The following TTBK2 variants were observed in gnomAD, a reference collection of about 807,000 sequenced individuals.
TTBK2 encodes tau-tubulin kinase 2.
In TTBK2, 28 loss-of-function variants were observed where a neutral mutation model predicts 110.8. The observed-to-expected ratio is 0.25, with a 90% confidence interval of 0.19 to 0.35. The LOEUF (loss-of-function observed/expected upper bound fraction) is 0.35, where lower values mean the gene tolerates loss of function less well. TTBK2 is among the 10% of genes least tolerant of loss of function. The probability of loss-of-function intolerance (pLI) is 1.00; values close to 1 mark genes in which losing one functional copy is unlikely to be tolerated. For missense variants in TTBK2, 1,369 were observed against 1,500.3 expected (o/e 0.91, Z 1.45); for synonymous variants, 532 against 527.3 (o/e 1.01, Z -0.12).
chr15:42,760,470 G>A (rs898025067), intron 13 of TTBK2, among the ~76,000 whole-genome samples: 5 of 151,728 alleles, frequency 3.3e-5, no homozygotes, highest in Non-Finnish European at 1.5e-5. Context: ...ACTAGACCAG[G>A]CAGAATTTCT....
rs1595902013 is a variant in TTBK2, at chr15:42,780,302, G to A, written c.1198-3060C>T. Among the ~76,000 whole-genome samples, 7 of 149,344 alleles carry A rather than the reference G, an allele frequency of 4.7e-5. No homozygotes were observed. The South Asian group carries it at 1.5e-3, about 32-fold the overall frequency. On this transcript the variant is annotated intron_variant, in intron 11 of 14. Coordinates refer to ENST00000267890, the MANE Select transcript of TTBK2 (RefSeq NM_173500.4). The stretch of plus-strand genomic sequence containing the variant: ...CCCACCTTGGCCTCCCAAAGTGCTG[G>A]GATTATGGGTGTGAGCCACTGTGCC...
At chr15:42,856,338 G>A (rs1000426388) in intron 3 of TTBK2, among the ~76,000 whole-genome samples, 3 of 151,886 alleles carry the variant, frequency 2.0e-5, no homozygotes, top group African/African-American at 4.8e-5. Context: ...TCCAGATTTC[G>A]GACTATTTTA....
intron 13 of TTBK2, among the ~76,000 whole-genome samples, chr15:42,753,991 T>C (rs909259380): frequency 1.3e-5 from 2 of 152,204 alleles, no homozygotes; most frequent in Non-Finnish European, 2.9e-5. Flanking sequence ...TTTGTTGTTT[T>C]CCATAAATTC....
chr15:42,879,272 C>A (rs1326166751), intron 1 of TTBK2, among the ~76,000 whole-genome samples: 1 of 151,916 alleles, frequency 6.6e-6, no homozygotes, highest in Non-Finnish European at 1.5e-5. Flanking sequence ...TGTAACCAGT[C>A]CAGGAATGAG....
chr15:42,860,152 G>A (rs1379763017), intron 3 of TTBK2, among the ~76,000 whole-genome samples: 1 of 152,032 alleles, frequency 6.6e-6, no homozygotes, highest in Non-Finnish European at 1.5e-5. Context: ...AGAAAGGAAA[G>A]AGAGAAAGGA....
chr15:42,780,051 CTCACTCTG>C (rs1183384542), intron 11 of TTBK2, among the ~76,000 whole-genome samples: 1 of 151,516 alleles, frequency 6.6e-6, no homozygotes, highest in African/African-American at 2.4e-5. Context: ...GAGACAGAGT[CTCACTCTG>C]TCACCTAGGC....
intron 3 of TTBK2, 91 bp downstream of exon 3, chr15:42,872,520 A>T: frequency 6.8e-7 from 1 of 1,463,126 alleles, no homozygotes; most frequent in Non-Finnish European, 9.4e-7. Context: ...TTCAATTAGT[A>T]CTTAAAGAAT....
chr15:42,798,210 C>G (rs1279407140), intron 9 of TTBK2: 3 of 456,062 alleles, frequency 6.6e-6, no homozygotes, highest in Non-Finnish European at 1.3e-5. Context: ...ATCCCAATGT[C>G]ACTGGGGAAC....
intron 13 of TTBK2, among the ~76,000 whole-genome samples, chr15:42,761,782 G>C (rs2062031468): frequency 6.6e-6 from 1 of 152,056 alleles, no homozygotes; most frequent in Non-Finnish European, 1.5e-5. Flanking sequence ...TCATCAAAAA[G>C]ACAAAAAAAT....
chr15:42,789,503 G>C (rs1890553587), intron 10 of TTBK2, among the ~76,000 whole-genome samples: 1 of 152,120 alleles, frequency 6.6e-6, no homozygotes. Flanking sequence ...GGAGGTTGAG[G>C]CAGGTGGATC....
rs1013044693 is a variant in TTBK2, at chr15:42,837,125, C to T, written c.291+3235G>A. Among the ~76,000 whole-genome samples the T allele has an allele frequency of 7.2e-5, 11 of 152,032 alleles. No individual in the cohort carries two copies. The East Asian group carries it at 1.4e-3, about 19-fold the overall frequency. ...CTAGAATCCCAGGGCTTTGGGAGACCGAGGTGGGCAGATCACCTTAGGTCA... is the reference window on the plus strand; with the variant it reads ...CTAGAATCCCAGGGCTTTGGGAGACTGAGGTGGGCAGATCACCTTAGGTCA... On this transcript the variant is annotated intron_variant, in intron 4 of 14. Transcript: ENST00000267890.
At chr15:42,901,690 A>AAAAGAC (rs1269330476) in intron 1 of TTBK2, among the ~76,000 whole-genome samples, 1 of 152,108 alleles carries the variant, frequency 6.6e-6, no homozygotes, top group Non-Finnish European at 1.5e-5. Context: ...CAACAGAGTG[A>AAAAGAC]AAAGACAACC....
At chr15:42,881,395 C>G (rs945139328) in intron 1 of TTBK2, among the ~76,000 whole-genome samples, 1 of 143,276 alleles carries the variant, frequency 7.0e-6, no homozygotes, top group Non-Finnish European at 1.5e-5. Context: ...CCAAAATTAC[C>G]AAGCACACAA....
At chr15:42,793,793 T>A (rs1890807554) in intron 10 of TTBK2, among the ~76,000 whole-genome samples, 1 of 147,780 alleles carries the variant, frequency 6.8e-6, no homozygotes, top group Admixed American at 6.8e-5. Context: ...GCTGAGATTG[T>A]GCCACTGCAC....
rs1304005604 is a variant in TTBK2 at position 42,827,943 on chromosome 15, A to C, written c.522T>G (p.Cys174Trp). The C allele has an allele frequency of 6.2e-7, 1 of 1,613,594 alleles. No homozygotes were observed. The highest frequency in any genetic ancestry group is 1.1e-5 in the South Asian group (1 of 91,050). Residue 174 changes from cysteine to tryptophan, a missense_variant, in exon 6 of 15, where the codon TGT (cysteine) becomes TGG (tryptophan). Cys to Trp is a radical substitution (Grantham distance 215). Coordinates refer to ENST00000267890, the MANE Select transcript of TTBK2 (RefSeq NM_173500.4). The stretch of plus-strand genomic sequence containing the variant: ...AAAATCTTACTGGTCTGACGTCACC[A>C]CAGGAATTGGTAAATTGTCGAGCCA... ...FGLARQFTNS[C>W]GDVRPPRAVA...
Position 42,775,412 on chromosome 15 carries a change from GT to G in TTBK2, c.1720del (p.Thr574GlnfsTer27), listed in dbSNP as rs1433811415. 1.2e-6 allele frequency: 2 copies of G among 1,614,190 alleles called. No homozygotes were observed. The highest frequency in any genetic ancestry group is 8.5e-7 in the Non-Finnish European group (1 of 1,180,028). ...CTCCTCATCAGAAGGACTTCCAGTT[GT>G]TTTATGTCCTACAGCCTCATTTGTC... ...FRTNEAVGHK[T>X]TGSPSDEEPE... On this transcript the variant is annotated frameshift_variant, in exon 13 of 15. Coordinates refer to ENST00000267890, the MANE Select transcript of TTBK2 (RefSeq NM_173500.4). LOFTEE classifies it high-confidence loss of function.
At chr15:42,791,298 A>G (rs1890671985) in intron 10 of TTBK2, among the ~76,000 whole-genome samples, 1 of 152,210 alleles carries the variant, frequency 6.6e-6, no homozygotes, top group Non-Finnish European at 1.5e-5. Flanking sequence ...GATTACAAGT[A>G]TGAGCCATCA....
At chr15:42,819,110 G>C (rs1442931785) in intron 6 of TTBK2, among the ~76,000 whole-genome samples, 2 of 148,722 alleles carry the variant, frequency 1.3e-5, no homozygotes, top group African/African-American at 4.9e-5. Context: ...TTTTTCTTAA[G>C]TAACCTCAAA....
chr15:42,840,957 G>A (rs928168851), intron 3 of TTBK2, among the ~76,000 whole-genome samples: 1 of 152,102 alleles, frequency 6.6e-6, no homozygotes, highest in South Asian at 2.1e-4. Flanking sequence ...GGCATAGAGG[G>A]GAGCAGGGGT....
Sources: gnomAD v4.1 joint callset for allele counts (sites outside exome capture counted in the v4.1 genomes callset) on GRCh38, gnomAD v4.1.1 for gene constraint, MANE v1.5 for transcripts, NCBI Gene and HGNC (gene_info 2026-07-23, HGNC 2026-07-21) for gene names.